The following CCL26 variants were observed in gnomAD, a reference collection of about 807,000 sequenced individuals.
CCL26 encodes C-C motif chemokine 26.
In CCL26, 10 loss-of-function variants were observed where a neutral mutation model predicts 10.7. That is an observed-to-expected ratio of 0.93 (90% CI 0.57 to 1.58). The LOEUF is 1.58. CCL26 is among the 40% of genes most tolerant of loss of function. CCL26 has a pLI of 0.00. For synonymous variants in CCL26, 43 were observed against 41.4 expected, an observed-to-expected ratio of 1.04 and a Z score of -0.15; for missense variants, 116 against 111.0, an observed-to-expected ratio of 1.05 and a Z score of -0.20.
intron 1 of CCL26, among the ~76,000 whole-genome samples, chr7:75,784,186 C>G (rs575794753): frequency 5.4e-4 from 83 of 152,308 alleles, no homozygotes; most frequent in African/African-American, 2.0e-3. Context: ...ACCTCCTCCC[C>G]CAGGAGCTTG....
At chr7:75,774,260 G>A (rs981113162), upstream of CCL26, among the ~76,000 whole-genome samples, 3 of 152,024 alleles carry the variant, frequency 2.0e-5, no homozygotes, top group Admixed American at 6.6e-5. Context: ...AGCAATTCTC[G>A]TGACTCAGCC....
rs1802833255 is a variant in CCL26 at position 75,772,001 on chromosome 7, C to A, written c.76G>T (p.Gly26Trp). The change falls in exon 2 of 3, where the codon GGG (glycine) becomes TGG (tryptophan). Residue 26 changes from glycine (G) to tryptophan (W), a missense_variant and splice_region_variant. Gly to Trp is a radical substitution (Grantham distance 184, BLOSUM62 -2). Coordinates refer to ENST00000005180, the MANE Select transcript of CCL26 (RefSeq NM_001371938.1). ...CAGCAGGTCTTGGATATGTCACTCC[C>A]ACCTAAAAATCAGGGAGAGGAAGGG... ...LSLHLGTATRGSDISKTCCFQ... is the reference protein window; with the variant it reads ...LSLHLGTATRWSDISKTCCFQ... 1 of 1,612,978 alleles carries A rather than the reference C, an allele frequency of 6.2e-7. No homozygotes were observed. Among genetic ancestry groups the A allele is most frequent in the Non-Finnish European group, 8.5e-7 (1 of 1,178,920 alleles).
intron 1 of CCL26, among the ~76,000 whole-genome samples, chr7:75,779,034 C>T (rs1187411313): frequency 1.3e-5 from 2 of 152,214 alleles, no homozygotes; most frequent in African/African-American, 4.8e-5. Context: ...CCTGCCTTAA[C>T]TGATGACATT....
At chr7:75,778,761 T>C (rs1585012414) in intron 1 of CCL26, among the ~76,000 whole-genome samples, 1 of 151,578 alleles carries the variant, frequency 6.6e-6, no homozygotes, top group African/African-American at 2.4e-5. Flanking sequence ...TGAGCCACCA[T>C]GCCCATAAAA....
At chr7:75,785,137 C>A (rs1380917348) in intron 1 of CCL26, among the ~76,000 whole-genome samples, 1 of 152,128 alleles carries the variant, frequency 6.6e-6, no homozygotes, top group Non-Finnish European at 1.5e-5. Flanking sequence ...GTCCTCAATA[C>A]CTTCCTCCAC....
At chr7:75,786,842 T>C (rs575875394) in intron 1 of CCL26, among the ~76,000 whole-genome samples, 5 of 152,320 alleles carry the variant, frequency 3.3e-5, no homozygotes, top group African/African-American at 1.2e-4. Context: ...TATTCTGTCA[T>C]TTCATAACCT....
chr7:75,785,118 C>T (rs1803155268), intron 1 of CCL26, among the ~76,000 whole-genome samples: 3 of 152,140 alleles, frequency 2.0e-5, no homozygotes, highest in Non-Finnish European at 4.4e-5. Flanking sequence ...CCAACCCATA[C>T]ACTCTTTTGT....
upstream of CCL26, among the ~76,000 whole-genome samples, chr7:75,773,043 A>G (rs1265874963): frequency 6.6e-6 from 1 of 152,110 alleles, no homozygotes; most frequent in Admixed American, 6.6e-5. Flanking sequence ...GATATTTAAA[A>G]ACAGGGTCCA....
At chr7:75,784,575 T>A (rs1050172437) in intron 1 of CCL26, among the ~76,000 whole-genome samples, 3 of 152,178 alleles carry the variant, frequency 2.0e-5, no homozygotes, top group Non-Finnish European at 4.4e-5. Flanking sequence ...TGGATATTGA[T>A]GGCCAGGCTT....
chr7:75,776,342 A>G (rs1389641600), upstream of CCL26, among the ~76,000 whole-genome samples: 2 of 151,678 alleles, frequency 1.3e-5, no homozygotes, highest in Non-Finnish European at 2.9e-5. Flanking sequence ...AAGTGCTGGG[A>G]TTACAGGTGT....
chr7:75,777,197 A>C (rs549260026), upstream of CCL26, among the ~76,000 whole-genome samples: 9 of 152,212 alleles, frequency 5.9e-5, no homozygotes, highest in South Asian at 6.2e-4. Context: ...GCACCACTGC[A>C]CTCCAGCCTG....
At chr7:75,789,408 C>A (rs1306429251) in intron 1 of CCL26, among the ~76,000 whole-genome samples, 1 of 148,676 alleles carries the variant, frequency 6.7e-6, no homozygotes, top group Non-Finnish European at 1.5e-5. Context: ...GAGAATATTT[C>A]TCTCTCTCTC....
At chr7:75,780,657 T>C (rs1554529315) in intron 1 of CCL26, among the ~76,000 whole-genome samples, 1 of 152,148 alleles carries the variant, frequency 6.6e-6, no homozygotes, top group Non-Finnish European at 1.5e-5. Flanking sequence ...CGCTAGTCTC[T>C]GTTCCCAATG....
chr7:75,787,364 G>T (rs1803218181), intron 1 of CCL26, among the ~76,000 whole-genome samples: 1 of 152,080 alleles, frequency 6.6e-6, no homozygotes, highest in Non-Finnish European at 1.5e-5. Context: ...CACCTCACCA[G>T]CCGGGCACAG....
At chr7:75,783,786 C>CA (rs1318162003) in intron 1 of CCL26, among the ~76,000 whole-genome samples, 32,548 of 87,390 alleles carry the variant, frequency 0.37, 4,951 homozygotes, top group African/African-American at 0.46. Context: ...GACTCCAGCT[C>CA]AAAAAAAAAA....
At chr7:75,787,119 A>G (rs1803209808) in intron 1 of CCL26, among the ~76,000 whole-genome samples, 1 of 152,168 alleles carries the variant, frequency 6.6e-6, no homozygotes, top group Admixed American at 6.5e-5. Context: ...CTGGATGGGT[A>G]GAGGCCTTTC....
intron 1 of CCL26, among the ~76,000 whole-genome samples, chr7:75,782,598 C>T (rs1683714848): frequency 6.6e-6 from 1 of 152,156 alleles, no homozygotes; most frequent in Non-Finnish European, 1.5e-5. Flanking sequence ...TCTCACCTGA[C>T]CTAAAATCTA....
intron 2 of CCL26, among the ~76,000 whole-genome samples, chr7:75,770,401 G>T (rs1338892549): frequency 6.8e-6 from 1 of 147,868 alleles, no homozygotes; most frequent in Non-Finnish European, 1.5e-5. Context: ...TTTTTTTTGA[G>T]ACGGAGTTTC....
chr7:75,779,070 T>C (rs2115667382), intron 1 of CCL26, among the ~76,000 whole-genome samples: 1 of 152,290 alleles, frequency 6.6e-6, no homozygotes, highest in South Asian at 2.1e-4. Flanking sequence ...TTCTCCTGGC[T>C]TATCCTGGCT....
Sources: gnomAD v4.1 joint callset for allele counts (sites outside exome capture counted in the v4.1 genomes callset) on GRCh38, gnomAD v4.1.1 for gene constraint, MANE v1.5 for transcripts, NCBI Gene and HGNC (gene_info 2026-07-23, HGNC 2026-07-21) for gene names.